Variants in NPR3 observed in about 807,000 individuals in gnomAD.
NPR3 encodes the protein atrial natriuretic peptide receptor 3.
NPR3 carries 34 observed loss-of-function variants against 54.5 expected under a neutral mutation model. The ratio of observed to expected loss-of-function variants is 0.62; its 90% CI spans 0.47 to 0.83. NPR3 has a LOEUF of 0.83. Ranked by LOEUF, NPR3 falls within the 40% of genes least tolerant of loss-of-function variation. The probability of loss-of-function intolerance (pLI) is 0.00; values close to 1 mark genes in which losing one functional copy is unlikely to be tolerated. For synonymous variants in NPR3, 289 were observed against 297.1 expected (o/e 0.97, Z 0.28); for missense variants, 674 against 720.8 (o/e 0.94, Z 0.74).
chr5:32,769,890 C>T (rs1452405496), intron 3 of NPR3, among the ~76,000 whole-genome samples: 1 of 152,312 alleles, frequency 6.6e-6, no homozygotes, highest in South Asian at 2.1e-4. Flanking sequence ...ATTTGTGTCT[C>T]CAGAAAGAAG....
intron 3 of NPR3, among the ~76,000 whole-genome samples, chr5:32,744,783 G>T (rs764112331): frequency 1.3e-5 from 2 of 152,068 alleles, no homozygotes; most frequent in Non-Finnish European, 2.9e-5. Flanking sequence ...CATGGTGCTC[G>T]GTTCCTCTGC....
At chr5:32,692,400 CAA>C (rs1427998066) in intron 1 of NPR3, among the ~76,000 whole-genome samples, 4 of 152,038 alleles carry the variant, frequency 2.6e-5, no homozygotes, top group African/African-American at 9.7e-5. Context: ...AAAAGGCTGA[CAA>C]GAGAATATTT....
upstream of NPR3, among the ~76,000 whole-genome samples, chr5:32,707,990 T>C (rs1467758520): frequency 1.6e-5 from 2 of 128,036 alleles, no homozygotes; most frequent in African/African-American, 3.2e-5. Flanking sequence ...CTTATTGTAG[T>C]AGCTTTAAAA....
intron 5 of NPR3, 49 bp from the exon 6 acceptor site, chr5:32,782,844 G>C: frequency 6.5e-7 from 1 of 1,538,954 alleles, no homozygotes; most frequent in Non-Finnish European, 8.8e-7. Flanking sequence ...CGAGCTTTGT[G>C]CCTCCTTTGA....
chr5:32,712,134 G>A lies in NPR3; in HGVS notation c.358G>A (p.Val120Met), dbSNP rs1159327375. ...TGCGCTCTTCAGCTTGGTGGACCGC[G>A]TGGCGGCGGCGCGGGGCGCCAAGCC... is the stretch of plus-strand genomic sequence containing the variant. ...NRALFSLVDRVAAARGAKPDL... is the reference protein window; with the variant it reads ...NRALFSLVDRMAAARGAKPDL... Residue 120 changes from valine (V) to methionine (M), a missense_variant, in exon 1 of 8, where the codon GTG (valine) becomes ATG (methionine). Transcript: ENST00000265074. 1.2e-6 allele frequency: 2 copies of A among 1,613,552 alleles called. No homozygotes were observed. Among genetic ancestry groups the A allele is most frequent in the Non-Finnish European group, 8.5e-7 (1 of 1,179,796 alleles).
intron 3 of NPR3, among the ~76,000 whole-genome samples, chr5:32,759,177 T>C (rs1741013388): frequency 6.6e-6 from 1 of 152,212 alleles, no homozygotes; most frequent in South Asian, 2.1e-4. Context: ...TTCTGTCTCG[T>C]TGATCTGTCT....
Position 32,711,678 on chromosome 5 carries a change from A to G in NPR3, c.-99A>G. The G allele has an allele frequency of 1.5e-6, 2 of 1,303,522 alleles. No homozygotes were observed. Among genetic ancestry groups the G allele is most frequent in the Non-Finnish European group, 9.8e-7 (1 of 1,022,522 alleles). 80.7% of individuals were successfully genotyped at this position (1,303,522 alleles called of 1,614,324 possible). ...TTTGTTAAAGCGCCCAAGGGGGCGC[A>G]GGGACCTTGGAGAGAAGAGTGGGGA... is the stretch of plus-strand genomic sequence containing the variant. On this transcript the variant is annotated 5_prime_UTR_variant, in exon 1 of 8. Coordinates refer to ENST00000265074, the MANE Select transcript of NPR3 (RefSeq NM_001204375.2).
At chr5:32,721,310 T>C (rs1738847103) in intron 1 of NPR3, among the ~76,000 whole-genome samples, 1 of 152,322 alleles carries the variant, frequency 6.6e-6, no homozygotes, top group Non-Finnish European at 1.5e-5. Context: ...TCTGCTTAGA[T>C]AGACACAGTG....
intron 6 of NPR3, 28 bp downstream of exon 6, chr5:32,783,056 T>A: frequency 6.3e-7 from 1 of 1,581,332 alleles, no homozygotes; most frequent in South Asian, 1.1e-5. Context: ...ATTTGCTATG[T>A]ATGTCATCAC....
intron 1 of NPR3, among the ~76,000 whole-genome samples, chr5:32,721,291 T>C (rs750345148): frequency 1.3e-5 from 2 of 152,258 alleles, no homozygotes; most frequent in Non-Finnish European, 2.9e-5. Context: ...AGATCTAAAA[T>C]AATCAAAATC....
At chr5:32,774,401 G>A (rs1741928536) in intron 3 of NPR3, among the ~76,000 whole-genome samples, 1 of 152,180 alleles carries the variant, frequency 6.6e-6, no homozygotes, top group Non-Finnish European at 1.5e-5. Flanking sequence ...TGGGGAAGGA[G>A]GAGGGGACTT....
At chr5:32,772,077 T>A (rs1307291909) in intron 3 of NPR3, among the ~76,000 whole-genome samples, 2 of 152,252 alleles carry the variant, frequency 1.3e-5, no homozygotes, top group African/African-American at 4.8e-5. Context: ...AAATTTCATA[T>A]TCCTTTGGAA....
chr5:32,789,012 C>T lies in NPR3; in HGVS notation c.*2667C>T, dbSNP rs1742771671. 1 of 155,134 alleles carries T rather than the reference C, an allele frequency of 6.4e-6. No homozygotes were observed. Among genetic ancestry groups the T allele is most frequent in the Admixed American group, 6.3e-5 (1 of 15,916 alleles). The allele number at this position is 155,134 out of a possible 1,614,324, so 9.6% of individuals were successfully genotyped here. On this transcript the variant is annotated 3_prime_UTR_variant, in exon 8 of 8. Transcript: ENST00000265074. ...TATATTTGGGGATTTACGTTCCTAA[C>T]TGCTAAGCAACATCTTTGACAACTA...
At position 32,789,504 on chromosome 5, in the gene NPR3, A is replaced by G; in HGVS notation, c.*3159A>G. On this transcript the variant is annotated 3_prime_UTR_variant, in exon 8 of 8. Coordinates refer to ENST00000265074, the MANE Select transcript of NPR3 (RefSeq NM_001204375.2). ...TACAGACCCTACTATAATTCTTCAC[A>G]TTTCAGAACCCATGTTTAATGGAGG... 2 of 534,690 alleles carry G rather than the reference A, an allele frequency of 3.7e-6. No individual in the cohort carries two copies. Among genetic ancestry groups the G allele is most frequent in the Non-Finnish European group, 3.8e-6 (1 of 260,074 alleles). The allele number at this position is 534,690 out of a possible 1,614,324, so 33.1% of individuals were successfully genotyped here.
chr5:32,715,391 G>A (rs1738492008), intron 1 of NPR3, among the ~76,000 whole-genome samples: 1 of 152,024 alleles, frequency 6.6e-6, no homozygotes, highest in Admixed American at 6.6e-5. Context: ...AATCACAAAT[G>A]TTTGAACAAG....
At chr5:32,725,043 G>A (rs1484351810) in intron 2 of NPR3, among the ~76,000 whole-genome samples, 1 of 152,132 alleles carries the variant, frequency 6.6e-6, no homozygotes, top group Non-Finnish European at 1.5e-5. Flanking sequence ...AACACTGCAT[G>A]CTCTCACTTA....
chr5:32,722,506 C>G (rs1738917396), intron 1 of NPR3, among the ~76,000 whole-genome samples: 1 of 152,204 alleles, frequency 6.6e-6, no homozygotes, highest in African/African-American at 2.4e-5. Flanking sequence ...AAACTTGCCC[C>G]TAAGCAATGA....
At chr5:32,786,177 A>G (rs957886733) in intron 7 of NPR3, 57 bp from the exon 8 acceptor site, 1 of 720,984 alleles carries the variant, frequency 1.4e-6, no homozygotes, top group Admixed American at 2.7e-5. Context: ...TTTGTAAGAG[A>G]AACCATGGTA....
At chr5:32,732,925 A>G (rs890972406) in intron 2 of NPR3, among the ~76,000 whole-genome samples, 2 of 151,336 alleles carry the variant, frequency 1.3e-5, no homozygotes, top group Non-Finnish European at 2.9e-5. Flanking sequence ...GCTCACTGCA[A>G]CCTCTGCCTC....
Sources: gnomAD v4.1 joint callset for allele counts (sites outside exome capture counted in the v4.1 genomes callset) on GRCh38, gnomAD v4.1.1 for gene constraint, MANE v1.5 for transcripts, NCBI Gene and HGNC (gene_info 2026-07-23, HGNC 2026-07-21) for gene names.